The following DEPDC5 variants were observed in gnomAD, a reference collection of about 807,000 sequenced individuals.
The protein encoded by DEPDC5 is DEP domain containing 5, GATOR1 subcomplex subunit.
A neutral mutation model predicts 217.3 loss-of-function variants in DEPDC5; 73 were observed. That is an observed-to-expected ratio of 0.34 (90% CI 0.28 to 0.41). DEPDC5 has a LOEUF of 0.41. Ranked by LOEUF, DEPDC5 falls within the 10% of genes least tolerant of loss-of-function variation. DEPDC5 has a pLI of 1.00. For synonymous variants in DEPDC5, 733 were observed against 756.7 expected, an observed-to-expected ratio of 0.97 and a Z score of 0.51; for missense variants, 1,675 against 2,070.1, an observed-to-expected ratio of 0.81 and a Z score of 3.70.
At chr22:31,857,680 C>A in intron 32 of DEPDC5, 127 bp downstream of exon 32, 6 of 713,802 alleles carry the variant, frequency 8.4e-6, no homozygotes, top group Non-Finnish European at 2.3e-6. Flanking sequence ...CTACCCTGAA[C>A]CCTTTAAAGG....
At chr22:31,869,878 A>AGG (rs1316178616) in intron 33 of DEPDC5, among the ~76,000 whole-genome samples, 1 of 152,174 alleles carries the variant, frequency 6.6e-6, no homozygotes, top group African/African-American at 2.4e-5. Context: ...GCTGGCTCAC[A>AGG]GGGAGGGTTT....
rs992567851 is a variant in DEPDC5 at position 31,777,414 on chromosome 22, C to A, written c.414-685C>A. Reference sequence around the variant, plus strand: ...TAGCTGAGATTACAGGCGCATGCCACCACGCCCAGCTAATTTTTTTTTTTT... The same window carrying A: ...TAGCTGAGATTACAGGCGCATGCCAACACGCCCAGCTAATTTTTTTTTTTT... On this transcript the variant is annotated intron_variant, in intron 7 of 42. Transcript: ENST00000651528. Among the ~76,000 whole-genome samples, 33 of 150,268 alleles carry A rather than the reference C, an allele frequency of 2.2e-4. 1 individual carries two copies. The highest frequency in any genetic ancestry group is 6.8e-4 in the African/African-American group (27 of 39,934).
intron 8 of DEPDC5, among the ~76,000 whole-genome samples, chr22:31,783,529 T>G (rs1326672824): frequency 6.6e-6 from 1 of 152,106 alleles, no homozygotes; most frequent in South Asian, 2.1e-4. Flanking sequence ...GGCCTGGTGG[T>G]GCACTCCCAT....
intron 8 of DEPDC5, among the ~76,000 whole-genome samples, chr22:31,781,238 A>C (rs111872452): frequency 0.03 from 4,470 of 150,868 alleles, 80 homozygotes; most frequent in Non-Finnish European, 0.043. Flanking sequence ...AACAAACAAA[A>C]AAAAAAAAAC....
intron 38 of DEPDC5, 25 bp from the exon 39 acceptor site, chr22:31,893,557 G>T (rs751442376): frequency 1.3e-6 from 2 of 1,526,826 alleles, no homozygotes; most frequent in Admixed American, 4.4e-5. Flanking sequence ...CACTCTCTTG[G>T]GGCCCCTCCT....
At chr22:31,897,838 A>G (rs2093580506) in intron 40 of DEPDC5, among the ~76,000 whole-genome samples, 185 bp downstream of exon 40, 1 of 152,136 alleles carries the variant, frequency 6.6e-6, no homozygotes, top group African/African-American at 2.4e-5. Flanking sequence ...ACTCTGGACA[A>G]ATCATTTCAT....
At chr22:31,839,798 A>G (rs796528688) in intron 27 of DEPDC5, among the ~76,000 whole-genome samples, 12 of 152,276 alleles carry the variant, frequency 7.9e-5, no homozygotes, top group Admixed American at 4.6e-4. Context: ...TTTGTCCTCC[A>G]CAATGGAAAC....
At chr22:31,885,084 C>T (rs2093273110) in intron 38 of DEPDC5, among the ~76,000 whole-genome samples, 1 of 152,160 alleles carries the variant, frequency 6.6e-6, no homozygotes, top group Non-Finnish European at 1.5e-5. Context: ...TCCCCTGCTC[C>T]TTATAAACTG....
intron 31 of DEPDC5, among the ~76,000 whole-genome samples, chr22:31,853,747 C>G: frequency 6.6e-6 from 1 of 152,342 alleles, no homozygotes; most frequent in African/African-American, 2.4e-5. Context: ...TGGGACCAGT[C>G]TGGGCAGCAG....
chr22:31,792,056 G>T lies in DEPDC5; in HGVS notation c.648G>T (p.Val216=). 6.2e-7 allele frequency: 1 copy of T among 1,611,998 alleles called. No homozygotes were observed. The highest frequency in any genetic ancestry group is 1.1e-5 in the South Asian group (1 of 91,036). ...KWKEKNCSHE[V]TVVLFSRTFY... ...AGGAGAAGAACTGTAGTCATGAAGT[G>T]ACAGTGGTCCTGTTTTCTAGAACTT... is the stretch of plus-strand genomic sequence containing the variant. The change falls in exon 11 of 43, where the codon GTG becomes GTT. Residue 216 remains valine, a synonymous_variant. Coordinates refer to ENST00000651528, the MANE Select transcript of DEPDC5 (RefSeq NM_001242896.3).
intron 14 of DEPDC5, 52 bp downstream of exon 14, chr22:31,798,708 G>T (rs775523830): frequency 2.5e-6 from 4 of 1,571,644 alleles, no homozygotes; most frequent in Non-Finnish European, 3.5e-6. Flanking sequence ...ACATGGCTAT[G>T]TTACCGGAAA....
chr22:31,906,130 G>A lies in DEPDC5; in HGVS notation c.4519+64G>A. ...ATCCCTTTCCTTGCACCAAGCCTAT[G>A]GCTGCAGAACCACCTCAGCAGGCTC... On this transcript the variant is annotated intron_variant, in intron 42 of 42. Coordinates refer to ENST00000651528, the MANE Select transcript of DEPDC5 (RefSeq NM_001242896.3). The surrounding 1 kb of genome is among the most constrained non-coding windows in gnomAD (Gnocchi z 5.1). 2 of 1,613,634 alleles carry A rather than the reference G, an allele frequency of 1.2e-6. No homozygotes were observed. The highest frequency in any genetic ancestry group is 2.2e-5 in the South Asian group (2 of 91,038).
intron 24 of DEPDC5, among the ~76,000 whole-genome samples, chr22:31,825,481 A>C (rs1206398701): frequency 6.6e-6 from 1 of 152,036 alleles, no homozygotes; most frequent in African/African-American, 2.4e-5. Flanking sequence ...AGGTGTGTCC[A>C]CCTGATGGAC....
chr22:31,792,888 C>A, intron 12 of DEPDC5, 71 bp downstream of exon 12: 2 of 1,320,750 alleles, frequency 1.5e-6, no homozygotes, highest in South Asian at 1.7e-5. Flanking sequence ...AAAAATAAGT[C>A]AGCCTGGGCA....
intron 20 of DEPDC5, 105 bp from the exon 21 acceptor site, chr22:31,814,887 G>GT: frequency 1.6e-6 from 2 of 1,245,382 alleles, no homozygotes; most frequent in Non-Finnish European, 2.3e-6. Context: ...GGGGATTTTT[G>GT]TTATTGGGTT....
chr22:31,862,934 A>G (rs1239582550), intron 33 of DEPDC5, among the ~76,000 whole-genome samples: 1 of 152,154 alleles, frequency 6.6e-6, no homozygotes, highest in African/African-American at 2.4e-5. Flanking sequence ...TAGAGGTAGT[A>G]TCTTACTCGG....
At chr22:31,783,838 C>A in intron 8 of DEPDC5, 69 bp from the exon 9 acceptor site, 1 of 1,387,242 alleles carries the variant, frequency 7.2e-7, no homozygotes, top group Non-Finnish European at 1.0e-6. Context: ...ATCTTCAGAA[C>A]TTTTTCATCT....
chr22:31,867,888 A>G (rs759076890), intron 33 of DEPDC5, among the ~76,000 whole-genome samples: 5 of 152,178 alleles, frequency 3.3e-5, no homozygotes, highest in Non-Finnish European at 7.3e-5. Context: ...ATAGTACATG[A>G]GAGAACCCCA....
chr22:31,889,306 G>A (rs1602781725), intron 38 of DEPDC5, among the ~76,000 whole-genome samples: 1 of 152,174 alleles, frequency 6.6e-6, no homozygotes, highest in South Asian at 2.1e-4. Flanking sequence ...AGAAACATAT[G>A]TACTGCCAAA....
Sources: gnomAD v4.1 joint callset for allele counts (sites outside exome capture counted in the v4.1 genomes callset) on GRCh38, gnomAD v4.1.1 for gene constraint, Gnocchi (gnomAD v3.1) non-coding constraint, MANE v1.5 for transcripts, NCBI Gene and HGNC (gene_info 2026-07-23, HGNC 2026-07-21) for gene names.